The following TMEM135 variants were observed in gnomAD, a reference collection of about 807,000 sequenced individuals.
The protein encoded by TMEM135 is transmembrane protein 135, also known as peroxisomal membrane protein 52.
In TMEM135, 30 loss-of-function variants were observed where a neutral mutation model predicts 60.3. The ratio of observed to expected loss-of-function variants is 0.50; its 90% CI spans 0.37 to 0.68. TMEM135 has a LOEUF of 0.68. Among genes scored for constraint, TMEM135 ranks in the 30% least tolerant of loss-of-function variants. TMEM135 has a pLI of 0.00. For missense variants in TMEM135, 468 were observed against 548.8 expected (o/e 0.85, Z 1.47); for synonymous variants, 190 against 186.7 (o/e 1.02, Z -0.14).
chr11:87,226,311 G>GTA (rs1565493027), intron 5 of TMEM135, among the ~76,000 whole-genome samples: 1 of 152,110 alleles, frequency 6.6e-6, no homozygotes, highest in Non-Finnish European at 1.5e-5. Context: ...AGCTCTGAGA[G>GTA]TATACTTGAA....
intron 6 of TMEM135, among the ~76,000 whole-genome samples, chr11:87,237,629 A>G (rs556279022): frequency 2.6e-5 from 4 of 152,100 alleles, no homozygotes; most frequent in African/African-American, 9.6e-5. Flanking sequence ...GTTTTGATAC[A>G]GGGATATGAT....
At chr11:87,299,725 T>C (rs1942410953) in intron 7 of TMEM135, among the ~76,000 whole-genome samples, 1 of 152,196 alleles carries the variant, frequency 6.6e-6, no homozygotes, top group Non-Finnish European at 1.5e-5. Context: ...TTAACTGTGC[T>C]GAAATGTTGC....
At chr11:87,267,697 A>G (rs1941777611) in intron 6 of TMEM135, among the ~76,000 whole-genome samples, 1 of 140,776 alleles carries the variant, frequency 7.1e-6, no homozygotes, top group African/African-American at 2.7e-5. Flanking sequence ...TGTCATGATC[A>G]GTATTCTTTT....
At chr11:87,113,567 G>A (rs1283215917) in intron 4 of TMEM135, among the ~76,000 whole-genome samples, 1 of 151,976 alleles carries the variant, frequency 6.6e-6, no homozygotes, top group Non-Finnish European at 1.5e-5. Flanking sequence ...GCAGCAACCT[G>A]GTAAACATGA....
chr11:87,252,252 A>G (rs568033341), intron 6 of TMEM135, among the ~76,000 whole-genome samples: 2 of 152,152 alleles, frequency 1.3e-5, no homozygotes, highest in Non-Finnish European at 2.9e-5. Flanking sequence ...TGGGAAAGAG[A>G]ATAGAGTCTA....
chr11:87,038,946 C>T lies in TMEM135; in HGVS notation c.141+760C>T, dbSNP rs556832520. Among the ~76,000 whole-genome samples, 414 of 152,032 alleles carry T rather than the reference C, an allele frequency of 2.7e-3. 2 individuals carry two copies. The highest frequency in any genetic ancestry group is 6.1e-3 in the African/African-American group (251 of 41,480). On this transcript the variant is annotated intron_variant, in intron 1 of 14. Coordinates refer to ENST00000305494, the MANE Select transcript of TMEM135 (RefSeq NM_022918.4). ...ATTAAAGATGCTCTTAAATGTTCTC[C>T]GCAAAATCTTTTTTTCAATAATCTT...
chr11:87,257,883 A>G (rs1163719572), intron 6 of TMEM135, among the ~76,000 whole-genome samples: 1 of 152,154 alleles, frequency 6.6e-6, no homozygotes, highest in Non-Finnish European at 1.5e-5. Context: ...TGGTATCTCA[A>G]TAAAACTGTG....
intron 5 of TMEM135, 67 bp from the exon 6 acceptor site, chr11:87,236,571 T>A: frequency 7.0e-7 from 1 of 1,431,584 alleles, no homozygotes; most frequent in East Asian, 2.3e-5. Flanking sequence ...GTATTTTGCT[T>A]TTATGAGTCA....
At chr11:87,230,696 A>G (rs1020094006) in intron 5 of TMEM135, among the ~76,000 whole-genome samples, 3 of 152,120 alleles carry the variant, frequency 2.0e-5, no homozygotes, top group African/African-American at 7.2e-5. Flanking sequence ...CACAGTGAAA[A>G]TGTCATTCAC....
chr11:87,292,310 C>A (rs540522623), intron 6 of TMEM135, among the ~76,000 whole-genome samples: 11 of 152,286 alleles, frequency 7.2e-5, no homozygotes, highest in Non-Finnish European at 7.4e-5. Context: ...TTATGTATCT[C>A]TTTCCCAACT....
At chr11:87,057,013 C>T (rs1949900495) in intron 1 of TMEM135, among the ~76,000 whole-genome samples, 1 of 152,022 alleles carries the variant, frequency 6.6e-6, no homozygotes, top group African/African-American at 2.4e-5. Flanking sequence ...GTAGTGCTGC[C>T]TGGGAGTTCC....
chr11:87,298,930 A>G lies in TMEM135; in HGVS notation c.551+3107A>G, dbSNP rs189233742. ...GTGAAACCCCGTCTTTAGTAAAAATACAAAAAAATTAGCTGGGTGTGGTGA... is the reference window on the plus strand; with the variant it reads ...GTGAAACCCCGTCTTTAGTAAAAATGCAAAAAAATTAGCTGGGTGTGGTGA... On this transcript the variant is annotated intron_variant, in intron 7 of 14. Transcript: ENST00000305494. 1.1e-4 allele frequency among the ~76,000 whole-genome samples: 17 copies of G among 152,148 alleles called. 1 individual carries two copies. The highest frequency in any genetic ancestry group is 5.9e-4 in the Admixed American group (9 of 15,288).
intron 5 of TMEM135, among the ~76,000 whole-genome samples, chr11:87,204,666 C>G (rs1940195960): frequency 1.3e-5 from 2 of 152,068 alleles, no homozygotes; most frequent in South Asian, 4.1e-4. Context: ...GTTTACTGTT[C>G]TTTAAGTGGA....
intron 4 of TMEM135, among the ~76,000 whole-genome samples, chr11:87,103,344 C>T (rs1173721080): frequency 6.6e-6 from 1 of 152,114 alleles, no homozygotes; most frequent in African/African-American, 2.4e-5. Context: ...CTTGCCAACA[C>T]TTTGTTATCT....
intron 6 of TMEM135, among the ~76,000 whole-genome samples, chr11:87,245,338 G>C (rs575867648): frequency 8.5e-6 from 1 of 118,288 alleles, no homozygotes; most frequent in African/African-American, 3.3e-5. Context: ...TTGATTTGGG[G>C]TGGAGGGTTC....
chr11:87,232,448 A>G (rs1032533443), intron 5 of TMEM135, among the ~76,000 whole-genome samples: 3 of 152,094 alleles, frequency 2.0e-5, no homozygotes, highest in Non-Finnish European at 4.4e-5. Context: ...AATTCCTACT[A>G]CAGGAAATAT....
chr11:87,256,853 C>A (rs1420249551), intron 6 of TMEM135, among the ~76,000 whole-genome samples: 1 of 151,848 alleles, frequency 6.6e-6, no homozygotes, highest in Non-Finnish European at 1.5e-5. Context: ...TTCCTCTTTT[C>A]CTCCCTCCTT....
chr11:87,237,737 C>T (rs924446408), intron 6 of TMEM135, among the ~76,000 whole-genome samples: 3 of 151,860 alleles, frequency 2.0e-5, no homozygotes, highest in Admixed American at 2.0e-4. Context: ...ACTATAGTCA[C>T]CCTGTTGTGC....
At chr11:87,185,132 G>A (rs1939617108) in intron 5 of TMEM135, among the ~76,000 whole-genome samples, 1 of 152,044 alleles carries the variant, frequency 6.6e-6, no homozygotes, top group Admixed American at 6.5e-5. Context: ...AAATATTTCA[G>A]TATGTATCCT....
Sources: allele counts gnomAD v4.1 joint callset (sites outside exome capture counted in the v4.1 genomes callset), GRCh38; gene constraint gnomAD v4.1.1; transcripts MANE v1.5; gene names NCBI Gene and HGNC (gene_info 2026-07-23, HGNC 2026-07-21).